SUGT1: variants seen among roughly 807,000 people sequenced by gnomAD.
The protein encoded by SUGT1 is protein SGT1 homolog.
In SUGT1, 15 loss-of-function variants were observed where a neutral mutation model predicts 56.1. That is an observed-to-expected ratio of 0.27 (90% confidence interval 0.18 to 0.41). SUGT1 has a LOEUF of 0.41. SUGT1 is among the 10% of genes least tolerant of loss of function. The pLI, the probability that SUGT1 is intolerant of heterozygous loss-of-function variation, is 1.00. For synonymous variants in SUGT1, 123 were observed against 128.6 expected, an observed-to-expected ratio of 0.96 and a Z score of 0.30; for missense variants, 347 against 382.2, an observed-to-expected ratio of 0.91 and a Z score of 0.77.
At chr13:52,671,305 T>C (rs1339888916) in intron 10 of SUGT1, among the ~76,000 whole-genome samples, 2 of 65,600 alleles carry the variant, frequency 3.0e-5, no homozygotes, top group Non-Finnish European at 5.7e-5. Context: ...TTGTAATGTA[T>C]ATTTATATAT....
chr13:52,663,250 C>A, intron 7 of SUGT1, 138 bp downstream of exon 7: 2 of 757,386 alleles, frequency 2.6e-6, no homozygotes, highest in East Asian at 2.9e-5. Context: ...TTCCTCTAGG[C>A]ACTGAAATAA....
At chr13:52,679,240 A>C (rs375900053) in intron 11 of SUGT1, among the ~76,000 whole-genome samples, 40 of 152,268 alleles carry the variant, frequency 2.6e-4, no homozygotes, top group African/African-American at 9.6e-4. Context: ...TCTTTGGAGC[A>C]ATCTTGGCAG....
rs1962563817 is a variant in SUGT1 at position 52,663,784 on chromosome 13, G to A, written c.400-251G>A. On this transcript the variant is annotated intron_variant, in intron 7 of 12. Coordinates refer to ENST00000310528, the MANE Select transcript of SUGT1 (RefSeq NM_006704.5). The stretch of plus-strand genomic sequence containing the variant: ...TTATTTAAAGTTCTGTTATTTTAGA[G>A]CAAAAATCTTTTATGAAATTCAATC... 3.3e-5 allele frequency among the ~76,000 whole-genome samples: 5 copies of A among 152,216 alleles called. No individual in the cohort carries two copies. In the South Asian group the frequency reaches 1.0e-3, roughly 32 times the overall value.
intron 5 of SUGT1, among the ~76,000 whole-genome samples, chr13:52,659,814 ATTT>A (rs71088033): frequency 1.0e-3 from 61 of 58,666 alleles, no homozygotes; most frequent in East Asian, 2.2e-3. Context: ...ATATATATAT[ATTT>A]TTTTTTTTTT....
chr13:52,699,961 G>A lies in SUGT1; in HGVS notation c.*12126G>A, dbSNP rs968747941. The A allele has an allele frequency of 3.9e-5, 6 of 152,122 alleles. No individual in the cohort carries two copies. The highest frequency in any genetic ancestry group is 8.8e-5 in the Non-Finnish European group (6 of 68,000). The allele number at this position is 152,122 out of a possible 1,614,324, so 9.4% of individuals were successfully genotyped here. A position where few individuals can be genotyped will look rare whatever the true frequency, so the allele number is the denominator to read the frequency against. Reference sequence around the variant, plus strand: ...ATGTGCAGAGGAGAGAAAAGGTGTTGGATTTTCTGCAGTTCTGATTCAGTT... The same window carrying A: ...ATGTGCAGAGGAGAGAAAAGGTGTTAGATTTTCTGCAGTTCTGATTCAGTT... On this transcript the variant is annotated 3_prime_UTR_variant, in exon 13 of 13. Coordinates refer to ENST00000310528, the MANE Select transcript of SUGT1 (RefSeq NM_006704.5).
At chr13:52,654,602 C>G (rs1482838586) in intron 2 of SUGT1, among the ~76,000 whole-genome samples, 1 of 152,216 alleles carries the variant, frequency 6.6e-6, no homozygotes, top group Admixed American at 6.5e-5. Flanking sequence ...AGTAATTCTT[C>G]TTACTGTCCT....
At chr13:52,654,310 C>T (rs1962057595) in intron 2 of SUGT1, among the ~76,000 whole-genome samples, 1 of 152,200 alleles carries the variant, frequency 6.6e-6, no homozygotes, top group Non-Finnish European at 1.5e-5. Flanking sequence ...AGCTAGACAG[C>T]TATGACTTTT....
chr13:52,653,741 A>G (rs777258806), intron 2 of SUGT1, among the ~76,000 whole-genome samples: 2 of 152,244 alleles, frequency 1.3e-5, no homozygotes, highest in South Asian at 4.1e-4. Context: ...TAAAAGATCA[A>G]GAGTTAAATA....
chr13:52,670,792 G>GAC (rs759173323), intron 10 of SUGT1, among the ~76,000 whole-genome samples: 20 of 152,136 alleles, frequency 1.3e-4, no homozygotes, highest in Non-Finnish European at 2.1e-4. Flanking sequence ...CCGCCTGGGT[G>GAC]ACTGAGTGAG....
chr13:52,664,629 T>TA (rs1221121914), intron 8 of SUGT1, among the ~76,000 whole-genome samples: 2 of 152,192 alleles, frequency 1.3e-5, no homozygotes, highest in East Asian at 3.8e-4. Flanking sequence ...CCGAGACTCT[T>TA]AAAGTTCATT....
chr13:52,655,300 G>A (rs745366786), intron 2 of SUGT1, among the ~76,000 whole-genome samples: 21 of 152,262 alleles, frequency 1.4e-4, no homozygotes, highest in Non-Finnish European at 2.1e-4. Flanking sequence ...CTGAGATCGC[G>A]CCATTGCACT....
rs1021200565 is a variant in SUGT1, at chr13:52,699,960, T to TG, written c.*12127dup. 2 of 152,206 alleles carry TG rather than the reference T, an allele frequency of 1.3e-5. No homozygotes were observed. The highest frequency in any genetic ancestry group is 1.3e-4 in the Admixed American group (2 of 15,282). The allele number at this position is 152,206 out of a possible 1,614,324, so 9.4% of individuals were successfully genotyped here. A position where few individuals can be genotyped will look rare whatever the true frequency, so the allele number is the denominator to read the frequency against. ...CATGTGCAGAGGAGAGAAAAGGTGT[T>TG]GGATTTTCTGCAGTTCTGATTCAGT... On this transcript the variant is annotated 3_prime_UTR_variant, in exon 13 of 13. Coordinates refer to ENST00000310528, the MANE Select transcript of SUGT1 (RefSeq NM_006704.5).
In SUGT1 at chr13:52,696,499, G is replaced by T. The variant is rs1486153311; in HGVS notation, c.*8664G>T. The T allele has an allele frequency of 1.3e-5, 2 of 152,134 alleles. No individual in the cohort carries two copies. The highest frequency in any genetic ancestry group is 2.9e-5 in the Non-Finnish European group (2 of 68,034). The allele number at this position is 152,134 out of a possible 1,614,324, so 9.4% of individuals were successfully genotyped here. A position where few individuals can be genotyped will look rare whatever the true frequency, so the allele number is the denominator to read the frequency against. On this transcript the variant is annotated 3_prime_UTR_variant, in exon 13 of 13. Coordinates refer to ENST00000310528, the MANE Select transcript of SUGT1 (RefSeq NM_006704.5). ...TTGGATCTTTGATACATAGCGTAGT[G>T]CCTTTCACATAGTATGTACTCAAAT... is the stretch of plus-strand genomic sequence containing the variant.
intron 5 of SUGT1, among the ~76,000 whole-genome samples, chr13:52,659,621 A>G (rs1473335549): frequency 6.6e-6 from 1 of 151,710 alleles, no homozygotes; most frequent in Non-Finnish European, 1.5e-5. Context: ...TTAACATTAA[A>G]GGTTTTTATG....
At chr13:52,669,285 A>G (rs1434555115) in intron 10 of SUGT1, among the ~76,000 whole-genome samples, 2 of 152,180 alleles carry the variant, frequency 1.3e-5, no homozygotes, top group African/African-American at 4.8e-5. Context: ...TTAAGTTTCT[A>G]TTTAAGATAA....
At chr13:52,682,185 T>C (rs1963403933) in intron 12 of SUGT1, among the ~76,000 whole-genome samples, 2 of 152,108 alleles carry the variant, frequency 1.3e-5, no homozygotes, top group South Asian at 4.1e-4. Flanking sequence ...AAAAGTAATA[T>C]TGTTTTACAT....
At chr13:52,670,379 T>A (rs945589225) in intron 10 of SUGT1, among the ~76,000 whole-genome samples, 1 of 152,242 alleles carries the variant, frequency 6.6e-6, no homozygotes, top group Non-Finnish European at 1.5e-5. Flanking sequence ...TTTTAGAAAT[T>A]AAGAAACTAT....
chr13:52,662,542 C>CTA, intron 5 of SUGT1, 107 bp from the exon 6 acceptor site: 1 of 1,068,934 alleles, frequency 9.4e-7, no homozygotes, highest in South Asian at 1.6e-5. Context: ...GCTGCCGACT[C>CTA]CCCAGTGCCT....
rs1228764478 is a variant in SUGT1, at chr13:52,675,463, G to A, written c.628-767G>A. Among the ~76,000 whole-genome samples, 3 of 152,104 alleles carry A rather than the reference G, an allele frequency of 2.0e-5. No individual in the cohort carries two copies. The South Asian group carries it at 6.2e-4, about 32-fold the overall frequency. On this transcript the variant is annotated intron_variant, in intron 10 of 12. Transcript: ENST00000310528. ...GTGGTGGCACTTGTCTGTAGTCCCA[G>A]CTACTTGGGAAGCTGAGGCTGGAGG...
Sources: allele counts gnomAD v4.1 joint callset (sites outside exome capture counted in the v4.1 genomes callset), GRCh38; gene constraint gnomAD v4.1.1; transcripts MANE v1.5; gene names NCBI Gene and HGNC (gene_info 2026-07-23, HGNC 2026-07-21).